CSMD1: variants seen among roughly 807,000 people sequenced by gnomAD.
The protein encoded by CSMD1 is CUB and sushi domain-containing protein 1.
A neutral mutation model predicts 417.5 loss-of-function variants in CSMD1; 213 were observed. That is an observed-to-expected ratio of 0.51 (90% CI 0.46 to 0.57). CSMD1 has a LOEUF of 0.57. Ranked by LOEUF, CSMD1 falls within the 20% of genes least tolerant of loss-of-function variation. The pLI is 0.00. For missense variants in CSMD1, 6,923 were observed against 4,529.7 expected (o/e 1.53, Z -15.17); for synonymous variants, 2,862 against 1,736.8 (o/e 1.65, Z -16.11).
intron 1 of CSMD1, among the ~76,000 whole-genome samples, chr8:4,778,166 A>G (rs1796965512): frequency 6.6e-6 from 1 of 152,100 alleles, no homozygotes; most frequent in Non-Finnish European, 1.5e-5. Flanking sequence ...TATAAAACAA[A>G]TATGTCATAA....
intron 3 of CSMD1, among the ~76,000 whole-genome samples, chr8:4,410,999 G>C (rs1006626769): frequency 6.6e-6 from 1 of 152,106 alleles, no homozygotes; most frequent in Non-Finnish European, 1.5e-5. Context: ...GGTTGCCCCT[G>C]TGTCTTACCT....
chr8:3,058,668 C>T (rs984834552), intron 49 of CSMD1, among the ~76,000 whole-genome samples: 2 of 152,032 alleles, frequency 1.3e-5, no homozygotes, highest in Admixed American at 1.3e-4. Context: ...CACTAATATC[C>T]TGATGAAGTA....
At chr8:3,960,061 A>G (rs766213771) in intron 5 of CSMD1, among the ~76,000 whole-genome samples, 1 of 152,324 alleles carries the variant, frequency 6.6e-6, no homozygotes, top group South Asian at 2.1e-4. Context: ...AATGTGTTTC[A>G]GGATGATCAT....
chr8:3,599,093 A>G (rs1332485566), intron 8 of CSMD1, among the ~76,000 whole-genome samples: 1 of 151,722 alleles, frequency 6.6e-6, no homozygotes, highest in East Asian at 1.9e-4. Flanking sequence ...AAAAGAAAAG[A>G]AAAGCTGACA....
intron 2 of CSMD1, among the ~76,000 whole-genome samples, chr8:4,455,266 T>C (rs527253091): frequency 6.6e-6 from 1 of 152,150 alleles, no homozygotes; most frequent in South Asian, 2.1e-4. Context: ...TTAAAAAAAA[T>C]AGGAGAAGGA....
intron 4 of CSMD1, among the ~76,000 whole-genome samples, chr8:4,010,291 A>T (rs544093982): frequency 6.6e-6 from 1 of 152,136 alleles, no homozygotes; most frequent in East Asian, 1.9e-4. Context: ...GTCTCTTGCC[A>T]TAATAATCTG....
In CSMD1 at chr8:4,466,156, T is replaced by C. The variant is rs888999492; in HGVS notation, c.303-46091A>G. Among the ~76,000 whole-genome samples the C allele has an allele frequency of 2.6e-5, 4 of 151,752 alleles. No individual in the cohort carries two copies. In the South Asian group the frequency reaches 8.3e-4, roughly 32 times the overall value. On this transcript the variant is annotated intron_variant, in intron 2 of 69. Coordinates refer to ENST00000635120, the MANE Select transcript of CSMD1 (RefSeq NM_033225.6). ...TAAAGAATGAAATATTGTGAGAGAG[T>C]CTTACTCCGTGGTCTTAAGAGCTGT...
intron 5 of CSMD1, among the ~76,000 whole-genome samples, chr8:3,917,843 G>C (rs1808932380): frequency 6.6e-6 from 1 of 151,918 alleles, no homozygotes. Flanking sequence ...AAGCACATAA[G>C]ATCTACATGC....
chr8:4,860,410 T>TAA (rs1316002254), intron 1 of CSMD1, among the ~76,000 whole-genome samples: 3 of 138,686 alleles, frequency 2.2e-5, no homozygotes, highest in African/African-American at 8.0e-5. Context: ...TTAAAGTATA[T>TAA]AAAAAAAAAA....
intron 2 of CSMD1, among the ~76,000 whole-genome samples, chr8:4,607,697 C>T (rs1244787712): frequency 6.6e-6 from 1 of 152,186 alleles, no homozygotes; most frequent in East Asian, 1.9e-4. Context: ...CAGCAATCTT[C>T]GTGAGTATTC....
At chr8:4,080,700 G>C (rs1045527050) in intron 3 of CSMD1, among the ~76,000 whole-genome samples, 1 of 152,172 alleles carries the variant, frequency 6.6e-6, no homozygotes, top group Non-Finnish European at 1.5e-5. Context: ...CTTCAGTGAA[G>C]ACTATTCTTT....
intron 3 of CSMD1, among the ~76,000 whole-genome samples, chr8:4,053,097 G>A (rs551541491): frequency 6.6e-6 from 1 of 152,262 alleles, no homozygotes; most frequent in African/African-American, 2.4e-5. Context: ...ATAAGAAGGG[G>A]CTGATACGAG....
intron 21 of CSMD1, among the ~76,000 whole-genome samples, 196 bp downstream of exon 21, chr8:3,358,956 C>A (rs1178807489): frequency 6.6e-6 from 1 of 152,068 alleles, no homozygotes; most frequent in Non-Finnish European, 1.5e-5. Context: ...AAGGGACTTA[C>A]TTTATAGATG....
chr8:4,583,983 A>G (rs1338376040), intron 2 of CSMD1, among the ~76,000 whole-genome samples: 1 of 151,980 alleles, frequency 6.6e-6, no homozygotes, highest in East Asian at 1.9e-4. Context: ...CGAGACCACA[A>G]GCCCACCGGG....
intron 26 of CSMD1, among the ~76,000 whole-genome samples, chr8:3,281,268 C>T (rs1023838507): frequency 3.9e-5 from 6 of 151,980 alleles, no homozygotes; most frequent in Non-Finnish European, 8.8e-5. Flanking sequence ...GATAATGAAA[C>T]CCTGTCTAGG....
intron 3 of CSMD1, among the ~76,000 whole-genome samples, chr8:4,333,280 C>T (rs1003055610): frequency 1.3e-5 from 2 of 152,102 alleles, no homozygotes; most frequent in African/African-American, 2.4e-5. Flanking sequence ...ACGCTAAGTC[C>T]TCACCTGAAA....
At chr8:3,616,517 C>A (rs551464279) in intron 8 of CSMD1, among the ~76,000 whole-genome samples, 193 bp downstream of exon 8, 2 of 152,182 alleles carry the variant, frequency 1.3e-5, no homozygotes, top group African/African-American at 4.8e-5. Context: ...GGGACTAATA[C>A]AGAACTTTTA....
At chr8:4,852,040 C>T (rs1469800206) in intron 1 of CSMD1, among the ~76,000 whole-genome samples, 2 of 152,194 alleles carry the variant, frequency 1.3e-5, no homozygotes, top group African/African-American at 4.8e-5. Context: ...AATACCTCCT[C>T]AGCAGGGCTT....
intron 8 of CSMD1, among the ~76,000 whole-genome samples, chr8:3,596,158 G>T (rs572645192): frequency 1.3e-5 from 2 of 152,126 alleles, no homozygotes; most frequent in African/African-American, 4.8e-5. Context: ...GAGGAGTGTC[G>T]GAGGCAGAGA....
Sources: allele counts gnomAD v4.1 joint callset (sites outside exome capture counted in the v4.1 genomes callset), GRCh38; gene constraint gnomAD v4.1.1; transcripts MANE v1.5; gene names NCBI Gene and HGNC (gene_info 2026-07-23, HGNC 2026-07-21).